The following PDE2A variants were observed in gnomAD, a reference collection of about 807,000 sequenced individuals.
PDE2A encodes cGMP-dependent 3',5'-cyclic phosphodiesterase.
PDE2A carries 53 observed loss-of-function variants against 133.6 expected under a neutral mutation model. The observed-to-expected ratio is 0.40, with a 90% CI of 0.32 to 0.50. The LOEUF (loss-of-function observed/expected upper bound fraction) is 0.50, where lower values mean the gene tolerates loss of function less well. PDE2A is among the 20% of genes least tolerant of loss of function. The pLI is 0.73. For synonymous variants in PDE2A, 491 were observed against 490.2 expected, an observed-to-expected ratio of 1.00 and a Z score of -0.02; for missense variants, 796 against 1,232.4, an observed-to-expected ratio of 0.65 and a Z score of 5.30.
intron 18 of PDE2A, 86 bp downstream of exon 18, chr11:72,584,465 G>A: frequency 2.1e-6 from 3 of 1,438,966 alleles, no homozygotes; most frequent in Non-Finnish European, 2.9e-6. Flanking sequence ...CGCTGGAGGC[G>A]GTGGGGAAGT....
intron 6 of PDE2A, among the ~76,000 whole-genome samples, chr11:72,594,900 G>T (rs1475274520): frequency 6.6e-6 from 1 of 152,134 alleles, no homozygotes; most frequent in Non-Finnish European, 1.5e-5. Context: ...GGTGGGGAGG[G>T]TGTCCCTGCC....
At chr11:72,588,982 T>A (rs1178679415) in intron 12 of PDE2A, 68 bp from the exon 13 acceptor site, 7 of 1,532,156 alleles carry the variant, frequency 4.6e-6, no homozygotes, top group African/African-American at 1.4e-5. Context: ...CAGCCCTCCA[T>A]CACATTTTGC....
At chr11:72,618,498 G>T (rs1363887793) in intron 2 of PDE2A, among the ~76,000 whole-genome samples, 1 of 152,156 alleles carries the variant, frequency 6.6e-6, no homozygotes, top group East Asian at 1.9e-4. Flanking sequence ...GGGCACCAAG[G>T]CACAGAGCCC....
chr11:72,623,357 CCT>C (rs905400995), intron 2 of PDE2A, among the ~76,000 whole-genome samples: 4 of 152,252 alleles, frequency 2.6e-5, no homozygotes, highest in East Asian at 1.9e-4. Flanking sequence ...TGGCCCTCCT[CCT>C]CTGTCTCGTT....
chr11:72,600,824 C>G (rs1053813309), intron 4 of PDE2A, among the ~76,000 whole-genome samples: 4 of 152,084 alleles, frequency 2.6e-5, no homozygotes, highest in Non-Finnish European at 4.4e-5. Flanking sequence ...CATGGCCTGC[C>G]CCACTGAAGA....
chr11:72,661,299 T>C (rs1306978337), intron 1 of PDE2A, among the ~76,000 whole-genome samples: 3 of 152,106 alleles, frequency 2.0e-5, no homozygotes, highest in Non-Finnish European at 4.4e-5. Context: ...AGCAAGACTC[T>C]GTCTCAATAA....
chr11:72,629,281 C>T (rs578246873), intron 2 of PDE2A, among the ~76,000 whole-genome samples: 65 of 152,340 alleles, frequency 4.3e-4, no homozygotes, highest in East Asian at 1.7e-3. Flanking sequence ...GCCTAGGCAG[C>T]GGGGGCTGCC....
Position 72,578,583 on chromosome 11 carries a change from G to T in PDE2A, c.2470-69C>A. Reference sequence around the variant, plus strand: ...TCCACCCAAGCTCCTCTGACAGCCCGTTCCCAGGAGAGAAAACTGAGGCCC... The same window carrying T: ...TCCACCCAAGCTCCTCTGACAGCCCTTTCCCAGGAGAGAAAACTGAGGCCC... On this transcript the variant is annotated intron_variant, in intron 28 of 30. Transcript: ENST00000334456. This position sits in a 1 kb window ranked among gnomAD's most constrained non-coding sequence, Gnocchi z 4.2. 1.5e-6 allele frequency: 2 copies of T among 1,324,790 alleles called. No individual in the cohort carries two copies. Among genetic ancestry groups the T allele is most frequent in the South Asian group, 1.2e-5 (1 of 84,574 alleles). The allele number at this position is 1,324,790 out of a possible 1,614,324, so 82.1% of individuals were successfully genotyped here. A position where few individuals can be genotyped will look rare whatever the true frequency, so the allele number is the denominator to read the frequency against.
chr11:72,645,266 T>C (rs1291202139), intron 1 of PDE2A, among the ~76,000 whole-genome samples: 7 of 152,196 alleles, frequency 4.6e-5, no homozygotes, highest in Non-Finnish European at 2.9e-5. Flanking sequence ...TAGGCCTCTA[T>C]TTCCCCATCT....
intron 2 of PDE2A, chr11:72,635,987 T>C (rs898647512): frequency 8.1e-7 from 1 of 1,240,212 alleles, no homozygotes; most frequent in Non-Finnish European, 1.0e-6. Context: ...TACCCTGAGC[T>C]CCCGAAACTC....
intron 23 of PDE2A, 107 bp downstream of exon 23, chr11:72,581,250 T>C: frequency 8.7e-7 from 1 of 1,150,556 alleles, no homozygotes; most frequent in Non-Finnish European, 1.3e-6. Context: ...GCTAAGAAGA[T>C]CCCATGAGGC....
At chr11:72,663,585 C>T (rs955954881) in intron 1 of PDE2A, among the ~76,000 whole-genome samples, 3 of 152,050 alleles carry the variant, frequency 2.0e-5, no homozygotes, top group African/African-American at 2.4e-5. Context: ...AAAAATTAGC[C>T]AGGCATGCTG....
intron 4 of PDE2A, among the ~76,000 whole-genome samples, chr11:72,600,690 T>G (rs1026251375): frequency 1.3e-5 from 2 of 152,040 alleles, no homozygotes; most frequent in African/African-American, 4.8e-5. Flanking sequence ...CTCCAGTTCC[T>G]CCCTTACTAC....
intron 1 of PDE2A, among the ~76,000 whole-genome samples, chr11:72,645,749 G>T (rs1859113884): frequency 6.6e-6 from 1 of 152,216 alleles, no homozygotes; most frequent in African/African-American, 2.4e-5. Context: ...GCCCCTACTG[G>T]CCGAGTGTAT....
At chr11:72,642,060 A>T (rs1055366538) in intron 2 of PDE2A, among the ~76,000 whole-genome samples, 194 bp downstream of exon 2, 1 of 152,182 alleles carries the variant, frequency 6.6e-6, no homozygotes, top group African/African-American at 2.4e-5. Context: ...AGGAGTTCAG[A>T]GTCTGGGGTG....
chr11:72,588,670 T>C, intron 13 of PDE2A, 114 bp downstream of exon 13: 1 of 1,002,834 alleles, frequency 1.0e-6, no homozygotes, highest in Non-Finnish European at 1.5e-6. Flanking sequence ...TTCAACCCAC[T>C]GCTGCTGAGA....
rs192452845 is a variant in PDE2A, at chr11:72,656,402, T to G, written c.72-14076A>C. Among the ~76,000 whole-genome samples the G allele has an allele frequency of 3.9e-3, 586 of 152,134 alleles. 4 individuals carry two copies. The highest frequency in any genetic ancestry group is 0.014 in the African/African-American group (561 of 41,500). ...CGGGGGGGCCCTTGCCTCCTGTAGGTGCCTAACTCAGCCAAAGGCTCCTGA... is the reference window on the plus strand; with the variant it reads ...CGGGGGGGCCCTTGCCTCCTGTAGGGGCCTAACTCAGCCAAAGGCTCCTGA... On this transcript the variant is annotated intron_variant, in intron 1 of 30. Coordinates refer to ENST00000334456, the MANE Select transcript of PDE2A (RefSeq NM_002599.5).
rs1855502954 is a variant in PDE2A, at chr11:72,577,103, G to T, written c.*281C>A. 2.6e-6 allele frequency: 1 copy of T among 380,332 alleles called. No individual in the cohort carries two copies. Among genetic ancestry groups the T allele is most frequent in the African/African-American group, 2.0e-5 (1 of 49,862 alleles). The allele number at this position is 380,332 out of a possible 1,614,324, so 23.6% of individuals were successfully genotyped here. A position where few individuals can be genotyped will look rare whatever the true frequency, so the allele number is the denominator to read the frequency against. On this transcript the variant is annotated 3_prime_UTR_variant, in exon 31 of 31. Coordinates refer to ENST00000334456, the MANE Select transcript of PDE2A (RefSeq NM_002599.5). The stretch of plus-strand genomic sequence containing the variant: ...CTCAGACAAAGAATGGCTTGGGAAA[G>T]ACTTGCCAAGGTGTGGTCAGAGGTG...
chr11:72,610,065 C>T (rs992771129), intron 2 of PDE2A, among the ~76,000 whole-genome samples: 14 of 152,042 alleles, frequency 9.2e-5, no homozygotes, highest in African/African-American at 2.7e-4. Flanking sequence ...CCAGAGGAGG[C>T]GACCTATGAA....
Sources: allele counts gnomAD v4.1 joint callset (sites outside exome capture counted in the v4.1 genomes callset), GRCh38; gene constraint gnomAD v4.1.1; non-coding constraint Gnocchi (gnomAD v3.1); transcripts MANE v1.5; gene names NCBI Gene and HGNC (gene_info 2026-07-23, HGNC 2026-07-21).